Variants in CHD6 observed in about 807,000 individuals in gnomAD.
CHD6 encodes the protein chromodomain helicase DNA binding protein 6.
A neutral mutation model predicts 276.9 loss-of-function variants in CHD6; 50 were observed. The observed-to-expected ratio is 0.18, with a 90% CI of 0.14 to 0.23. The LOEUF is 0.23. Ranked by LOEUF, CHD6 falls within the 10% of genes least tolerant of loss-of-function variation. CHD6 has a pLI of 1.00. For missense variants in CHD6, 2,564 were observed against 3,365.8 expected, an observed-to-expected ratio of 0.76 and a Z score of 5.89; for synonymous variants, 1,173 against 1,229.3, an observed-to-expected ratio of 0.95 and a Z score of 0.96.
At position 41,426,159 on chromosome 20, in the gene CHD6, GATAA is replaced by G. The variant is rs774854403; in HGVS notation, c.4069-10_4069-7del. 1.2e-6 allele frequency: 2 copies of G among 1,609,316 alleles called. No individual in the cohort carries two copies. Among genetic ancestry groups the G allele is most frequent in the South Asian group, 2.2e-5 (2 of 91,008 alleles). ...CCTCCATCACTGGAACTCTCCTAGG[GATAA>G]ATAAAGCCATCCCATCAGCAAAACT... On this transcript the variant is annotated splice_region_variant and splice_polypyrimidine_tract_variant and intron_variant, in intron 27 of 36. Transcript: ENST00000373233.
chr20:41,514,704 G>A, intron 4 of CHD6, 101 bp downstream of exon 4: 1 of 1,335,456 alleles, frequency 7.5e-7, no homozygotes, highest in Non-Finnish European at 1.0e-6. Flanking sequence ...CAGGGCTAGG[G>A]AGTGTGCTAG....
chr20:41,441,646 A>G (rs1018868575), intron 25 of CHD6, among the ~76,000 whole-genome samples: 2 of 152,182 alleles, frequency 1.3e-5, no homozygotes, highest in African/African-American at 2.4e-5. Context: ...TTCTCTTGTC[A>G]TGTGTGGATC....
intron 1 of CHD6, among the ~76,000 whole-genome samples, chr20:41,601,081 G>A (rs2143233): frequency 0.35 from 53,744 of 152,042 alleles, 12,304 homozygotes; most frequent in African/African-American, 0.63. Flanking sequence ...TTCTGTGACT[G>A]TTACCTGCCT....
chr20:41,438,231 A>T (rs142279724), intron 26 of CHD6, among the ~76,000 whole-genome samples: 83 of 152,222 alleles, frequency 5.5e-4, no homozygotes, highest in Middle Eastern at 3.4e-3. Flanking sequence ...TCAGCTGCCT[A>T]ATGTCTTCTC....
intron 19 of CHD6, among the ~76,000 whole-genome samples, chr20:41,455,002 G>A (rs892479677): frequency 2.0e-5 from 3 of 152,052 alleles, no homozygotes; most frequent in African/African-American, 4.8e-5. Flanking sequence ...GGCAAACCCC[G>A]GAAGACAATG....
chr20:41,435,094 G>A (rs1265127668), intron 27 of CHD6, among the ~76,000 whole-genome samples: 1 of 151,884 alleles, frequency 6.6e-6, no homozygotes, highest in Non-Finnish European at 1.5e-5. Flanking sequence ...CAAACACTTG[G>A]ACACTAAATA....
At chr20:41,435,369 G>C (rs971761273) in intron 27 of CHD6, among the ~76,000 whole-genome samples, 2 of 152,132 alleles carry the variant, frequency 1.3e-5, no homozygotes, top group African/African-American at 4.8e-5. Flanking sequence ...GCCGGGGAGG[G>C]AGGATTGCTT....
intron 35 of CHD6, 69 bp downstream of exon 35, chr20:41,413,255 T>A: frequency 7.6e-7 from 1 of 1,324,192 alleles, no homozygotes; most frequent in Non-Finnish European, 1.0e-6. Flanking sequence ...TCAGCATGCT[T>A]TCATCAAAAA....
intron 3 of CHD6, among the ~76,000 whole-genome samples, chr20:41,525,777 C>T (rs896360951): frequency 2.0e-5 from 3 of 152,216 alleles, no homozygotes; most frequent in Non-Finnish European, 4.4e-5. Flanking sequence ...TTCCAAGGGA[C>T]TCCCCAGACC....
intron 27 of CHD6, among the ~76,000 whole-genome samples, chr20:41,430,956 C>T (rs1390132128): frequency 6.6e-6 from 1 of 150,828 alleles, no homozygotes; most frequent in Non-Finnish European, 1.5e-5. Context: ...GCCTCAGCCT[C>T]CTGAGTAGCT....
chr20:41,448,881 C>G (rs2048150776), intron 23 of CHD6, among the ~76,000 whole-genome samples: 1 of 151,874 alleles, frequency 6.6e-6, no homozygotes, highest in Non-Finnish European at 1.5e-5. Context: ...AGCTGTCAAT[C>G]AACTCAAATA....
At chr20:41,541,295 G>A (rs1444901807) in intron 2 of CHD6, among the ~76,000 whole-genome samples, 2 of 152,092 alleles carry the variant, frequency 1.3e-5, no homozygotes, top group East Asian at 3.9e-4. Context: ...TAACTTCATC[G>A]GGAAGTCCAG....
intron 1 of CHD6, among the ~76,000 whole-genome samples, chr20:41,555,917 T>C (rs1230618707): frequency 1.3e-5 from 2 of 151,686 alleles, no homozygotes; most frequent in African/African-American, 2.4e-5. Context: ...GTGGTGGAGG[T>C]TGTAGCGAGC....
intron 23 of CHD6, among the ~76,000 whole-genome samples, chr20:41,449,627 T>C (rs779156101): frequency 6.6e-6 from 1 of 152,226 alleles, no homozygotes; most frequent in Non-Finnish European, 1.5e-5. Context: ...GTAACACCCT[T>C]GGTTTAGCCA....
chr20:41,611,959 T>G (rs945972562), intron 1 of CHD6, among the ~76,000 whole-genome samples: 2 of 152,122 alleles, frequency 1.3e-5, no homozygotes, highest in African/African-American at 4.8e-5. Context: ...TCTAACATGC[T>G]CCAAAGTAAT....
intron 5 of CHD6, among the ~76,000 whole-genome samples, chr20:41,500,776 A>T (rs1815990134): frequency 6.6e-6 from 1 of 152,146 alleles, no homozygotes; most frequent in East Asian, 1.9e-4. Flanking sequence ...TAGACCAGGA[A>T]ATGCATAATC....
intron 36 of CHD6, among the ~76,000 whole-genome samples, chr20:41,410,215 G>C (rs1354501974): frequency 6.6e-6 from 1 of 152,090 alleles, no homozygotes; most frequent in Non-Finnish European, 1.5e-5. Context: ...AATAGGATGC[G>C]GGGGGTTTAG....
chr20:41,514,781 C>T, intron 4 of CHD6, 24 bp downstream of exon 4: 1 of 1,611,410 alleles, frequency 6.2e-7, no homozygotes, highest in South Asian at 1.1e-5. Context: ...TAATCTCCAC[C>T]AGGCCTCCCG....
At chr20:41,448,024 T>C in intron 23 of CHD6, 53 bp from the exon 24 acceptor site, 1 of 1,026,530 alleles carries the variant, frequency 9.7e-7, no homozygotes, top group Non-Finnish European at 1.5e-6. Context: ...TAACTGTCTG[T>C]GAACCACATC....
Sources: gnomAD v4.1 joint callset for allele counts (sites outside exome capture counted in the v4.1 genomes callset) on GRCh38, gnomAD v4.1.1 for gene constraint, MANE v1.5 for transcripts, NCBI Gene and HGNC (gene_info 2026-07-23, HGNC 2026-07-21) for gene names.